The following CLUH variants were observed in gnomAD, a reference collection of about 807,000 sequenced individuals.
CLUH encodes clustered mitochondria protein homolog.
In CLUH, 77 loss-of-function variants were observed where a neutral mutation model predicts 139.3. That is an observed-to-expected ratio of 0.55 (90% CI 0.46 to 0.67). The LOEUF is 0.67. Ranked by LOEUF, CLUH falls within the 30% of genes least tolerant of loss-of-function variation. The pLI is 0.00. For synonymous variants in CLUH, 999 were observed against 801.6 expected (o/e 1.25, Z -4.16); for missense variants, 1,876 against 1,875.8 (o/e 1.00, Z 0.00).
Position 2,691,748 on chromosome 17 carries a change from G to A in CLUH, c.3789+13C>T, listed in dbSNP as rs1296211645. On this transcript the variant is annotated intron_variant, in intron 24 of 25. Transcript: ENST00000651024. ...CTCGCCGGGCCGGAGGGGCCGCTCC[G>A]CCCCGGACTCACCTTGAGGGGCGGG... The A allele has an allele frequency of 3.8e-6, 6 of 1,597,092 alleles. No individual in the cohort carries two copies. The highest frequency in any genetic ancestry group is 5.1e-6 in the Non-Finnish European group (6 of 1,172,432).
At position 2,697,978 on chromosome 17, in the gene CLUH, C is replaced by T. The variant is rs746985052; in HGVS notation, c.1879G>A (p.Ala627Thr). ...TGGGCGCGGGGGAAGCCGGCGCGGG[C>T]GCATTCCTCAGGCAGCTCCTCGCCA... ...VPGEELPEEC[A>T]RAGFPRAHRH... Residue 627 changes from alanine to threonine, a missense_variant, in exon 10 of 26, where the codon GCC becomes ACC. Ala to Thr is a moderately conservative substitution (Grantham distance 58). Around this residue, in one of 3 missense-constraint regions of CLUH, gnomAD observed 1,454 missense variants for 1,384.4 expected, o/e 1.05. Coordinates refer to ENST00000651024, the MANE Select transcript of CLUH (RefSeq NM_001366661.1). The T allele has an allele frequency of 5.0e-6, 8 of 1,585,412 alleles. No homozygotes were observed. The highest frequency in any genetic ancestry group is 1.1e-5 in the South Asian group (1 of 88,020).
chr17:2,695,521 C>T lies in CLUH; in HGVS notation c.2397G>A (p.Lys799=). ...LLSCQIPGLV[K]DCMEHAVLPV... ...GCAGGACCGCGTGCTCCATGCAGTC[C>T]TTCACCTGCGGGCTGCAGCAGCTCA... The change falls in exon 14 of 26, where the codon AAG becomes AAA. Residue 799 remains lysine, a synonymous_variant. Transcript: ENST00000651024. 6.3e-7 allele frequency: 1 copy of T among 1,599,994 alleles called. No homozygotes were observed. Among genetic ancestry groups the T allele is most frequent in the South Asian group, 1.1e-5 (1 of 90,580 alleles).
rs1045947712 is a variant in CLUH at position 2,704,759 on chromosome 17, T to C, written c.101-195A>G. Among the ~76,000 whole-genome samples, 1 of 152,066 alleles carries C rather than the reference T, an allele frequency of 6.6e-6. No individual in the cohort carries two copies. Among genetic ancestry groups the C allele is most frequent in the Non-Finnish European group, 1.5e-5 (1 of 68,000 alleles). Reference sequence around the variant, plus strand: ...ACCCAGCCGCCCCTCCCAGCCACTGTTCCCTGGCCCACTGTGGTATGGCTT... The same window carrying C: ...ACCCAGCCGCCCCTCCCAGCCACTGCTCCCTGGCCCACTGTGGTATGGCTT... On this transcript the variant is annotated intron_variant, in intron 1 of 25. Transcript: ENST00000651024. This position sits in a 1 kb window ranked among gnomAD's most constrained non-coding sequence, Gnocchi z 5.7.
chr17:2,698,689 C>A, intron 9 of CLUH, 99 bp from the exon 10 acceptor site: 1 of 1,155,160 alleles, frequency 8.7e-7, no homozygotes, highest in Non-Finnish European at 1.2e-6. Flanking sequence ...GGCAACCGGG[C>A]CTGCCTTGGA....
At position 2,701,371 on chromosome 17, in the gene CLUH, C is replaced by A. The variant is rs564872196; in HGVS notation, c.894G>T (p.Leu298=). 16 of 1,606,934 alleles carry A rather than the reference C, an allele frequency of 1.0e-5. No individual in the cohort carries two copies. The East Asian group carries it at 3.4e-4, about 34-fold the overall frequency. The stretch of plus-strand genomic sequence containing the variant: ...GTGGGCTGGCAGGGACTCACTGATT[C>A]AGGTAAAAGCCCCGTGTGGACGCGG... ...SITASTRGFY[L]NQSTAYHFNP... The change falls in exon 6 of 26, where the codon CTG becomes CTT. Residue 298 remains leucine (L), a synonymous_variant. Transcript: ENST00000651024.
At chr17:2,692,929 G>A (rs554152809) in intron 19 of CLUH, 69 bp from the exon 20 acceptor site, 15 of 1,446,176 alleles carry the variant, frequency 1.0e-5, no homozygotes, top group Middle Eastern at 2.1e-4. Flanking sequence ...GCCTGGCCCC[G>A]GCCCAGCAGC....
chr17:2,692,876 G>C lies in CLUH; in HGVS notation c.3232-16C>G, dbSNP rs1173172321. 16 of 1,566,224 alleles carry C rather than the reference G, an allele frequency of 1.0e-5. No homozygotes were observed. Among genetic ancestry groups the C allele is most frequent in the Non-Finnish European group, 1.2e-5 (14 of 1,153,982 alleles). ...TACTCAGGGCCTGGGGAGAGACAGT[G>C]GTGGTTGCCGCGGCGTGGGAACCCC... On this transcript the variant is annotated splice_polypyrimidine_tract_variant and intron_variant, in intron 19 of 25. Transcript: ENST00000651024.
At chr17:2,694,821 A>AAACCC in intron 16 of CLUH, 36 bp downstream of exon 16, 150 of 1,446,260 alleles carry the variant, frequency 1.0e-4, no homozygotes, top group Non-Finnish European at 1.3e-4. Context: ...CATCTGCCCA[A>AAACCC]TCCCACCCAC....
Position 2,707,623 on chromosome 17 carries a change from T to A in CLUH, c.101-3059A>T, listed in dbSNP as rs548351917. 192 of 985,364 alleles carry A rather than the reference T, an allele frequency of 1.9e-4. No individual in the cohort carries two copies. In the African/African-American group the frequency reaches 2.8e-3, roughly 15 times the overall value. 61.0% of individuals were successfully genotyped at this position (985,364 alleles called of 1,614,324 possible). A position where few individuals can be genotyped will look rare whatever the true frequency, so the allele number is the denominator to read the frequency against. On this transcript the variant is annotated intron_variant, in intron 1 of 25. Transcript: ENST00000651024. The surrounding 1 kb of genome is among the most constrained non-coding windows in gnomAD (Gnocchi z 7.4). Reference sequence around the variant, plus strand: ...AAGATTGAGGGCCTAGGAGACTGGCTGGCAGGGGCAGGGCCCAGCAAGGGG... The same window carrying A: ...AAGATTGAGGGCCTAGGAGACTGGCAGGCAGGGGCAGGGCCCAGCAAGGGG...
chr17:2,708,322 C>G (rs943431813), intron 1 of CLUH, among the ~76,000 whole-genome samples: 1 of 152,196 alleles, frequency 6.6e-6, no homozygotes, highest in Non-Finnish European at 1.5e-5. Context: ...CCCCTCTGCT[C>G]CTACCCTCTC....
chr17:2,704,480 T>C lies in CLUH; in HGVS notation c.185A>G (p.Asn62Ser), dbSNP rs1015115102. The change falls in exon 2 of 26, where the codon AAT becomes AGT. Residue 62 changes from asparagine (N) to serine (S), a missense_variant. By Grantham distance (46) the Asn-to-Ser change is conservative. This residue lies in a region of CLUH where 152 missense variants were observed against 136.7 expected (regional missense o/e 1.11). Transcript: ENST00000651024. This position sits in a 1 kb window ranked among gnomAD's most constrained non-coding sequence, Gnocchi z 5.7. ...EAAAAEPPRE[N>S]GLDEAGPGDE... The stretch of plus-strand genomic sequence containing the variant: ...TCCCGGGCCGGCCTCGTCAAGCCCA[T>C]TTTCCCTGGGTGGCTCGGCCGCCGC... 7.5e-6 allele frequency: 12 copies of C among 1,597,168 alleles called. No individual in the cohort carries two copies. Among genetic ancestry groups the C allele is most frequent in the Non-Finnish European group, 1.0e-5 (12 of 1,172,364 alleles).
rs764790223 is a variant in CLUH at position 2,695,273 on chromosome 17, C to A, written c.2552G>T (p.Gly851Val). 5 of 1,613,864 alleles carry A rather than the reference C, an allele frequency of 3.1e-6. No individual in the cohort carries two copies. The South Asian group carries it at 4.4e-5, about 14-fold the overall frequency. Reference protein sequence around the residue: ...RHQLDHVFKIGIGELITRSAK... With the variant: ...RHQLDHVFKIVIGELITRSAK... The stretch of plus-strand genomic sequence containing the variant: ...CGAGCGGGTGATGAGTTCTCCAATG[C>A]CGATTTTCTGGAAGGATTCAGAAGG... Residue 851 changes from glycine (G) to valine (V), a missense_variant, in exon 15 of 26, where the codon GGC becomes GTC. By Grantham distance (109) the Gly-to-Val change is moderately radical (BLOSUM62 -3). Transcript: ENST00000651024.
In CLUH at chr17:2,700,997, G is replaced by T. The variant is rs564835571; in HGVS notation, c.1025+143C>A. ...TCCTGCGGCTGCTGTCTCGGCACTG[G>T]CCGACAGCTCCCTAGAGCGGGGACT... On this transcript the variant is annotated intron_variant, in intron 7 of 25. Coordinates refer to ENST00000651024, the MANE Select transcript of CLUH (RefSeq NM_001366661.1). 54 of 1,469,996 alleles carry T rather than the reference G, an allele frequency of 3.7e-5. No homozygotes were observed. The South Asian group carries it at 6.9e-4, about 19-fold the overall frequency. 91.1% of individuals were successfully genotyped at this position (1,469,996 alleles called of 1,614,324 possible). A position where few individuals can be genotyped will look rare whatever the true frequency, so the allele number is the denominator to read the frequency against.
At position 2,703,555 on chromosome 17, in the gene CLUH, G is replaced by A. The variant is rs962597296; in HGVS notation, c.304-66C>T. 47 of 1,528,502 alleles carry A rather than the reference G, an allele frequency of 3.1e-5. No homozygotes were observed. The highest frequency in any genetic ancestry group is 5.4e-5 in the African/African-American group (4 of 73,536). The allele number at this position is 1,528,502 out of a possible 1,614,324, so 94.7% of individuals were successfully genotyped here. A position where few individuals can be genotyped will look rare whatever the true frequency, so the allele number is the denominator to read the frequency against. ...GTAGCGGGGAGAGAAGGCCCCAACCGCCCCGGTGAGAGGCCACGTAGCGGA... is the reference window on the plus strand; with the variant it reads ...GTAGCGGGGAGAGAAGGCCCCAACCACCCCGGTGAGAGGCCACGTAGCGGA... On this transcript the variant is annotated intron_variant, in intron 2 of 25. Coordinates refer to ENST00000651024, the MANE Select transcript of CLUH (RefSeq NM_001366661.1). This position sits in a 1 kb window ranked among gnomAD's most constrained non-coding sequence, Gnocchi z 4.2.
chr17:2,690,577 TCC>T lies in CLUH; in HGVS notation c.*15_*16del. The T allele has an allele frequency of 1.4e-6, 2 of 1,431,272 alleles. No homozygotes were observed. Among genetic ancestry groups the T allele is most frequent in the Middle Eastern group, 2.0e-4 (1 of 5,096 alleles). 88.7% of individuals were successfully genotyped at this position (1,431,272 alleles called of 1,614,324 possible). ...TGGTGACGGGGCCGCTGGCTGGCTGTCCGTCTGGCTCCCTCTCTATCCCTGCA... is the reference window on the plus strand; with the variant it reads ...TGGTGACGGGGCCGCTGGCTGGCTGTGTCTGGCTCCCTCTCTATCCCTGCA... On this transcript the variant is annotated 3_prime_UTR_variant, in exon 26 of 26. Coordinates refer to ENST00000651024, the MANE Select transcript of CLUH (RefSeq NM_001366661.1).
At chr17:2,690,832 C>T (rs1000664700) in intron 25 of CLUH, 55 bp from the exon 26 acceptor site, 213 of 1,357,398 alleles carry the variant, frequency 1.6e-4, no homozygotes, top group Admixed American at 5.7e-5. Context: ...GGGGGCTCCA[C>T]CCGCCTCCCG....
chr17:2,698,201 G>T lies in CLUH; in HGVS notation c.1656C>A (p.His552Gln). 1 of 1,579,322 alleles carries T rather than the reference G, an allele frequency of 6.3e-7. No individual in the cohort carries two copies. Among genetic ancestry groups the T allele is most frequent in the Non-Finnish European group, 8.6e-7 (1 of 1,163,620 alleles). Residue 552 changes from histidine (H) to glutamine (Q), a missense_variant, in exon 10 of 26, where the codon CAC becomes CAA. Transcript: ENST00000651024. The part of the protein sequence containing the change: ...SIDFGKTVVS[H>Q]PRYLELLERT... Reference sequence around the variant, plus strand: ...GCTCCAGCAGCTCCAGGTACCGCGGGTGTGACACCACGGTCTTGCCGAAGT... The same window carrying T: ...GCTCCAGCAGCTCCAGGTACCGCGGTTGTGACACCACGGTCTTGCCGAAGT...
In CLUH at chr17:2,700,989, C is replaced by T. The variant is rs558942578; in HGVS notation, c.1025+151G>A. ...GGCGCCTCTCCTGCGGCTGCTGTCT[C>T]GGCACTGGCCGACAGCTCCCTAGAG... On this transcript the variant is annotated intron_variant, in intron 7 of 25. Coordinates refer to ENST00000651024, the MANE Select transcript of CLUH (RefSeq NM_001366661.1). The T allele has an allele frequency of 6.2e-6, 9 of 1,451,516 alleles. No individual in the cohort carries two copies. The Admixed American group carries it at 6.3e-5, about 10-fold the overall frequency. The allele number at this position is 1,451,516 out of a possible 1,614,324, so 89.9% of individuals were successfully genotyped here.
At chr17:2,709,048 C>A (rs1247531880) in intron 1 of CLUH, among the ~76,000 whole-genome samples, 1 of 152,246 alleles carries the variant, frequency 6.6e-6, no homozygotes, top group East Asian at 1.9e-4. Context: ...CACGCAAACT[C>A]AGATGCTAGT....
Sources: gnomAD v4.1 joint callset for allele counts (sites outside exome capture counted in the v4.1 genomes callset) on GRCh38, gnomAD v4.1.1 for gene constraint, gnomAD v4.1.1 regional missense constraint, Gnocchi (gnomAD v3.1) non-coding constraint, MANE v1.5 for transcripts, NCBI Gene and HGNC (gene_info 2026-07-23, HGNC 2026-07-21) for gene names.